Variants in GHR observed in about 807,000 individuals in gnomAD.
GHR encodes GH receptor.
A neutral mutation model predicts 67.1 loss-of-function variants in GHR; 35 were observed. The observed-to-expected ratio is 0.52, with a 90% CI of 0.40 to 0.69. The LOEUF (loss-of-function observed/expected upper bound fraction) is 0.69, where lower values mean the gene tolerates loss of function less well. Among genes scored for constraint, GHR ranks in the 30% least tolerant of loss-of-function variants. The pLI, the probability that GHR is intolerant of heterozygous loss-of-function variation, is 0.00. For synonymous variants in GHR, 272 were observed against 269.1 expected (o/e 1.01, Z -0.10); for missense variants, 792 against 764.6 (o/e 1.04, Z -0.42).
At chr5:42,431,382 T>G (rs1743088222) in intron 1 of GHR, among the ~76,000 whole-genome samples, 1 of 152,176 alleles carries the variant, frequency 6.6e-6, no homozygotes, top group African/African-American at 2.4e-5. Context: ...GGAAAAGTCA[T>G]TGTTTTTTAG....
chr5:42,478,758 T>C (rs910065388), intron 1 of GHR, among the ~76,000 whole-genome samples: 1 of 152,240 alleles, frequency 6.6e-6, no homozygotes, highest in Non-Finnish European at 1.5e-5. Flanking sequence ...TTGCTGAAGT[T>C]GCTTATCAGC....
At chr5:42,547,957 G>C (rs1277436220) in intron 1 of GHR, 1 of 319,912 alleles carries the variant, frequency 3.1e-6, no homozygotes, top group Non-Finnish European at 4.5e-6. Flanking sequence ...ATACTCCTTA[G>C]AGAAGGGAAA....
intron 1 of GHR, among the ~76,000 whole-genome samples, chr5:42,519,766 A>C (rs1747394231): frequency 6.6e-6 from 1 of 152,120 alleles, no homozygotes; most frequent in Admixed American, 6.5e-5. Flanking sequence ...GACCTACTAG[A>C]CTCAAAATTC....
chr5:42,649,126 T>C (rs1288607528), intron 3 of GHR, among the ~76,000 whole-genome samples: 1 of 152,194 alleles, frequency 6.6e-6, no homozygotes, highest in Non-Finnish European at 1.5e-5. Context: ...CTGACACTGA[T>C]ACTTACTAGC....
chr5:42,596,392 G>A (rs951338820), intron 2 of GHR, among the ~76,000 whole-genome samples: 3 of 152,164 alleles, frequency 2.0e-5, no homozygotes, highest in African/African-American at 7.2e-5. Context: ...TAGCCCAACA[G>A]CATTCACAGT....
chr5:42,618,856 G>A (rs1350883689), intron 2 of GHR, among the ~76,000 whole-genome samples: 2 of 152,076 alleles, frequency 1.3e-5, no homozygotes, highest in Non-Finnish European at 2.9e-5. Flanking sequence ...TTGGTCTGGG[G>A]CAAAGGTCCA....
At chr5:42,571,801 T>C (rs902395176) in intron 2 of GHR, among the ~76,000 whole-genome samples, 11 of 152,176 alleles carry the variant, frequency 7.2e-5, no homozygotes, top group African/African-American at 2.7e-4. Context: ...TCCACACCAC[T>C]TTGGTTCAGT....
At chr5:42,468,030 G>T in intron 1 of GHR, 2 of 806,250 alleles carry the variant, frequency 2.5e-6, no homozygotes, top group Non-Finnish European at 4.1e-6. Flanking sequence ...GGTCCTTAAG[G>T]ATCAGCTTTC....
At chr5:42,715,128 T>A in intron 8 of GHR, 1 of 338,032 alleles carries the variant, frequency 3.0e-6, no homozygotes, top group South Asian at 2.3e-5. Flanking sequence ...AATCACCAAA[T>A]TCTACAATTG....
chr5:42,693,298 T>A (rs4376276), intron 4 of GHR, among the ~76,000 whole-genome samples: 9 of 151,910 alleles, frequency 5.9e-5, no homozygotes, highest in Admixed American at 2.0e-4. Flanking sequence ...CATGCCATCA[T>A]GCCCAGCTAA....
At chr5:42,626,685 AC>A (rs1753721291) in intron 2 of GHR, among the ~76,000 whole-genome samples, 1 of 152,114 alleles carries the variant, frequency 6.6e-6, no homozygotes, top group African/African-American at 2.4e-5. Context: ...GCATCAGTCA[AC>A]TCATTAGCAT....
chr5:42,663,773 AG>A lies in GHR; in HGVS notation c.137-25116del, dbSNP rs1755796992. On this transcript the variant is annotated intron_variant, in intron 3 of 9. Transcript: ENST00000230882. The stretch of plus-strand genomic sequence containing the variant: ...AATTACGCAGGAGAAGGAAATAAAG[AG>A]TATTCAATTAGGAAAAGAGGAAGTC... Among the ~76,000 whole-genome samples the A allele has an allele frequency of 2.6e-5, 4 of 152,212 alleles. No individual in the cohort carries two copies. The South Asian group carries it at 8.3e-4, about 32-fold the overall frequency.
At chr5:42,599,357 ATTTTTTTT>A (rs36037535) in intron 2 of GHR, among the ~76,000 whole-genome samples, 1 of 103,908 alleles carries the variant, frequency 9.6e-6, no homozygotes, top group African/African-American at 4.1e-5. Context: ...CCTACAGCAC[ATTTTTTTT>A]TTTTTTTTTT....
At chr5:42,616,378 A>G (rs1255242293) in intron 2 of GHR, among the ~76,000 whole-genome samples, 1 of 152,098 alleles carries the variant, frequency 6.6e-6, no homozygotes, top group African/African-American at 2.4e-5. Flanking sequence ...AGTTGGAAGG[A>G]GTTAGAGAAA....
chr5:42,664,481 C>T (rs1451082388), intron 3 of GHR, among the ~76,000 whole-genome samples: 1 of 152,180 alleles, frequency 6.6e-6, no homozygotes, highest in Non-Finnish European at 1.5e-5. Context: ...CTGAGAAAAA[C>T]AAGCAATGGG....
chr5:42,649,046 T>G (rs180849776), intron 3 of GHR, among the ~76,000 whole-genome samples: 1 of 152,144 alleles, frequency 6.6e-6, no homozygotes, highest in Non-Finnish European at 1.5e-5. Context: ...AAAATGGAAC[T>G]CAAATGAGGA....
intron 2 of GHR, among the ~76,000 whole-genome samples, chr5:42,626,258 C>T (rs939636146): frequency 3.3e-5 from 5 of 152,128 alleles, no homozygotes; most frequent in Admixed American, 6.5e-5. Context: ...CAATACTGTC[C>T]CCCACTTCAG....
chr5:42,483,432 C>T (rs945978224), intron 1 of GHR, among the ~76,000 whole-genome samples: 2 of 151,224 alleles, frequency 1.3e-5, no homozygotes, highest in Non-Finnish European at 2.9e-5. Flanking sequence ...AAGTTCATTT[C>T]AGCCCCATTG....
intron 8 of GHR, among the ~76,000 whole-genome samples, chr5:42,717,833 C>T (rs1435074931): frequency 6.6e-6 from 1 of 150,622 alleles, no homozygotes; most frequent in African/African-American, 2.5e-5. Flanking sequence ...TCAGATGAGG[C>T]TTTTTGGGTT....
Sources: allele counts gnomAD v4.1 joint callset (sites outside exome capture counted in the v4.1 genomes callset), GRCh38; gene constraint gnomAD v4.1.1; transcripts MANE v1.5; gene names NCBI Gene and HGNC (gene_info 2026-07-23, HGNC 2026-07-21).